DNMT3B: variants seen among roughly 807,000 people sequenced by gnomAD.
DNMT3B encodes the protein DNA methyltransferase 3 beta.
A neutral mutation model predicts 120.2 loss-of-function variants in DNMT3B; 37 were observed. The observed-to-expected ratio is 0.31, with a 90% confidence interval of 0.24 to 0.40. DNMT3B has a LOEUF of 0.40. Ranked by LOEUF, DNMT3B falls within the 10% of genes least tolerant of loss-of-function variation. The pLI is 1.00. For missense variants in DNMT3B, 878 were observed against 1,137.3 expected, an observed-to-expected ratio of 0.77 and a Z score of 3.28; for synonymous variants, 412 against 442.8, an observed-to-expected ratio of 0.93 and a Z score of 0.87.
In DNMT3B at chr20:32,806,795, T is replaced by C. The variant is rs548588946; in HGVS notation, c.2420+468T>C. ...CTTGGATTTCAGTTCTGTTCTGTTCTGTTTTCTTTCACTCCTCTATTGTTT... is the reference window on the plus strand; with the variant it reads ...CTTGGATTTCAGTTCTGTTCTGTTCCGTTTTCTTTCACTCCTCTATTGTTT... On this transcript the variant is annotated intron_variant, in intron 22 of 22. Transcript: ENST00000328111. Among the ~76,000 whole-genome samples, 12 of 150,970 alleles carry C rather than the reference T, an allele frequency of 7.9e-5. No individual in the cohort carries two copies. In the South Asian group the frequency reaches 2.5e-3, roughly 32 times the overall value.
intron 20 of DNMT3B, among the ~76,000 whole-genome samples, chr20:32,804,976 T>G (rs544269659): frequency 6.6e-6 from 1 of 152,232 alleles, no homozygotes; most frequent in South Asian, 2.1e-4. Flanking sequence ...CTCCTCACTT[T>G]AAAATAGACA....
chr20:32,779,395 T>G (rs1978327979), intron 1 of DNMT3B, among the ~76,000 whole-genome samples: 1 of 152,172 alleles, frequency 6.6e-6, no homozygotes. Context: ...TTCTAGAAGG[T>G]GAGCTCCCCA....
intron 3 of DNMT3B, among the ~76,000 whole-genome samples, chr20:32,784,323 C>G (rs923169383): frequency 1.3e-5 from 2 of 152,184 alleles, no homozygotes; most frequent in Non-Finnish European, 2.9e-5. Context: ...GTATGAGCCA[C>G]CACACCCTGC....
chr20:32,803,556 G>C (rs1284401934), intron 20 of DNMT3B, among the ~76,000 whole-genome samples: 1 of 152,216 alleles, frequency 6.6e-6, no homozygotes, highest in East Asian at 1.9e-4. Context: ...CCATTTTCAT[G>C]GTTAAACACA....
At chr20:32,791,811 A>G in intron 8 of DNMT3B, 103 bp downstream of exon 8, 1 of 1,285,722 alleles carries the variant, frequency 7.8e-7, no homozygotes, top group South Asian at 1.2e-5. Context: ...TTTGGAGGGG[A>G]CAGGGTGGCC....
intron 1 of DNMT3B, among the ~76,000 whole-genome samples, chr20:32,773,772 CA>C (rs1290052140): frequency 6.6e-6 from 1 of 151,764 alleles, no homozygotes; most frequent in African/African-American, 2.4e-5. Context: ...GCTAGGACTA[CA>C]GGGGCAGGCC....
intron 1 of DNMT3B, among the ~76,000 whole-genome samples, chr20:32,772,592 C>CT (rs200492753): frequency 0.013 from 2,012 of 152,194 alleles, 44 homozygotes; most frequent in African/African-American, 0.044. Context: ...TTACCATTGA[C>CT]CACTCCTTGG....
chr20:32,793,462 T>C (rs1015371908), intron 9 of DNMT3B, 74 bp from the exon 10 acceptor site: 37 of 1,536,836 alleles, frequency 2.4e-5, no homozygotes, highest in Non-Finnish European at 3.3e-5. Flanking sequence ...AGCAAGACCT[T>C]GTCTCAAAAA....
At chr20:32,797,116 C>A in intron 13 of DNMT3B, 71 bp from the exon 14 acceptor site, 1 of 1,606,718 alleles carries the variant, frequency 6.2e-7, no homozygotes, top group African/African-American at 1.3e-5. Flanking sequence ...CCTAGGGCCT[C>A]CACCAGCAAG....
intron 22 of DNMT3B, 22 bp from the exon 23 acceptor site, chr20:32,807,739 TC>T (rs1982124572): frequency 1.2e-6 from 2 of 1,613,622 alleles, no homozygotes; most frequent in Non-Finnish European, 1.7e-6. Context: ...TGACTTGCTG[TC>T]TTTTCACTCC....
intron 9 of DNMT3B, among the ~76,000 whole-genome samples, chr20:32,793,191 C>T (rs1214891715): frequency 6.6e-6 from 1 of 152,210 alleles, no homozygotes; most frequent in Non-Finnish European, 1.5e-5. Context: ...CAGGACTTGT[C>T]TTACAATCCA....
chr20:32,793,201 A>G (rs1280701900), intron 9 of DNMT3B, among the ~76,000 whole-genome samples: 14 of 152,356 alleles, frequency 9.2e-5, no homozygotes, highest in Admixed American at 8.5e-4. Context: ...CTTACAATCC[A>G]TAGATTTAAA....
At chr20:32,792,273 A>G (rs763211731) in intron 8 of DNMT3B, among the ~76,000 whole-genome samples, 53 of 152,202 alleles carry the variant, frequency 3.5e-4, no homozygotes, top group Non-Finnish European at 6.9e-4. Context: ...GCCGCCTTAT[A>G]TAAGATACAG....
At chr20:32,768,998 G>A (rs1249131681) in intron 1 of DNMT3B, among the ~76,000 whole-genome samples, 2 of 152,204 alleles carry the variant, frequency 1.3e-5, no homozygotes, top group Non-Finnish European at 2.9e-5. Context: ...GCAGGATGCT[G>A]AATTAGGGGA....
chr20:32,763,419 C>T (rs561137358), intron 1 of DNMT3B, among the ~76,000 whole-genome samples: 1 of 152,316 alleles, frequency 6.6e-6, no homozygotes, highest in African/African-American at 2.4e-5. Flanking sequence ...CGGGAGGAGC[C>T]GGCCGGAGGG....
chr20:32,796,995 C>G (rs6058890), intron 13 of DNMT3B, 126 bp downstream of exon 13: 10 of 1,612,540 alleles, frequency 6.2e-6, no homozygotes, highest in Non-Finnish European at 6.8e-6. Context: ...TGCACTCTGC[C>G]TCTGGGGCAG....
chr20:32,795,645 A>G lies in DNMT3B; in HGVS notation c.1253-5A>G, dbSNP rs1298357394. On this transcript the variant is annotated splice_polypyrimidine_tract_variant and splice_region_variant and intron_variant, in intron 11 of 22. Coordinates refer to ENST00000328111, the MANE Select transcript of DNMT3B (RefSeq NM_006892.4). The stretch of plus-strand genomic sequence containing the variant: ...TCATCTCATGCCTTCTTCTTTTCTC[A>G]ATAGAACAAATGGCTTCAGATGTTG... The G allele has an allele frequency of 1.9e-6, 3 of 1,613,992 alleles. No homozygotes were observed. The East Asian group carries it at 6.7e-5, about 36-fold the overall frequency.
At position 32,787,076 on chromosome 20, in the gene DNMT3B, C is replaced by T. The variant is rs377285480; in HGVS notation, c.433-154C>T. Among the ~76,000 whole-genome samples, 83 of 152,348 alleles carry T rather than the reference C, an allele frequency of 5.4e-4. 1 individual carries two copies. The South Asian group carries it at 0.016, about 29-fold the overall frequency. The stretch of plus-strand genomic sequence containing the variant: ...TGACTTTCTCCCCCCTTAAGGGATA[C>T]GTGTTCCTGGAAAAGTTTCTTCAGC... On this transcript the variant is annotated intron_variant, in intron 5 of 22. Coordinates refer to ENST00000328111, the MANE Select transcript of DNMT3B (RefSeq NM_006892.4).
chr20:32,798,319 C>T, intron 14 of DNMT3B, 141 bp from the exon 15 acceptor site: 2 of 1,010,836 alleles, frequency 2.0e-6, no homozygotes, highest in South Asian at 1.4e-5. Context: ...CTGCACAGGG[C>T]CCCGCAGGCT....
Sources: allele counts gnomAD v4.1 joint callset (sites outside exome capture counted in the v4.1 genomes callset), GRCh38; gene constraint gnomAD v4.1.1; transcripts MANE v1.5; gene names NCBI Gene and HGNC (gene_info 2026-07-23, HGNC 2026-07-21).